SHANK2: variants seen among roughly 807,000 people sequenced by gnomAD.
SHANK2 encodes SH3 and multiple ankyrin repeat domains 2.
A neutral mutation model predicts 133.7 loss-of-function variants in SHANK2; 43 were observed. The observed-to-expected ratio is 0.32, with a 90% confidence interval of 0.25 to 0.41. The LOEUF (loss-of-function observed/expected upper bound fraction) is 0.41. SHANK2 is among the 10% of genes least tolerant of loss of function. SHANK2 has a pLI of 1.00. For missense variants in SHANK2, 1,994 were observed against 2,235.8 expected (o/e 0.89, Z 2.18); for synonymous variants, 1,017 against 952.8 (o/e 1.07, Z -1.24).
intron 14 of SHANK2, among the ~76,000 whole-genome samples, chr11:70,795,114 T>G (rs1182678857): frequency 6.6e-6 from 1 of 152,090 alleles, no homozygotes; most frequent in Non-Finnish European, 1.5e-5. Context: ...TTGGTGTACC[T>G]CCTTCCATCC....
rs966675444 is a variant in SHANK2 at position 71,073,841 on chromosome 11, G to A, written c.1029+1318C>T. On this transcript the variant is annotated intron_variant, in intron 9 of 25. Transcript: ENST00000601538. ...CCAGAACTATCCTGGGGCTTTGTCC[G>A]CCACGTCCTTCCCCATCTCATGACT... 6.1e-3 allele frequency among the ~76,000 whole-genome samples: 936 copies of A among 152,238 alleles called. 9 individuals are homozygous for A. Among genetic ancestry groups the A allele is most frequent in the African/African-American group, 0.018 (756 of 41,540 alleles).
rs73531482 is a variant in SHANK2 at position 70,924,797 on chromosome 11, C to T, written c.1108-28230G>A. Among the ~76,000 whole-genome samples, 1,087 of 152,292 alleles carry T rather than the reference C, an allele frequency of 7.1e-3. 11 individuals carry two copies. The highest frequency in any genetic ancestry group is 0.026 in the African/African-American group (1,061 of 41,560). On this transcript the variant is annotated intron_variant, in intron 10 of 25. Coordinates refer to ENST00000601538, the MANE Select transcript of SHANK2 (RefSeq NM_012309.5). Reference sequence around the variant, plus strand: ...GATAAGGGTTTTACACTTTTATTATCTCATTAGGCACCACAAAACCTTATA... The same window carrying T: ...GATAAGGGTTTTACACTTTTATTATTTCATTAGGCACCACAAAACCTTATA...
In SHANK2 at chr11:70,940,155, TTTCCTTCC is replaced by T. The variant is rs113406010; in HGVS notation, c.1108-43596_1108-43589del. Among the ~76,000 whole-genome samples, 60 of 119,854 alleles carry T rather than the reference TTTCCTTCC, an allele frequency of 5.0e-4. 1 individual carries two copies. Among genetic ancestry groups the T allele is most frequent in the African/African-American group, 1.9e-3 (53 of 27,480 alleles). The allele number at this position is 119,854 out of a possible 152,430, so 78.6% of individuals were successfully genotyped here. On this transcript the variant is annotated intron_variant, in intron 10 of 25. Coordinates refer to ENST00000601538, the MANE Select transcript of SHANK2 (RefSeq NM_012309.5). ...AACCCCTCAACTGGAAGAGAATCAA[TTTCCTTCC>T]TTCCTTCCTTCCTTCCTTCCTTACT...
intron 2 of SHANK2, among the ~76,000 whole-genome samples, chr11:71,222,403 C>T (rs183975255): frequency 1.7e-3 from 253 of 152,302 alleles, no homozygotes; most frequent in Non-Finnish European, 3.0e-3. Flanking sequence ...TGTGAGCCAA[C>T]GGCAGCTCCC....
At chr11:70,563,335 C>T (rs2059930944) in intron 17 of SHANK2, among the ~76,000 whole-genome samples, 1 of 152,146 alleles carries the variant, frequency 6.6e-6, no homozygotes, top group Admixed American at 6.5e-5. Flanking sequence ...CAAGAACTTA[C>T]AACAGTACAC....
chr11:71,136,745 G>A (rs375529624), intron 3 of SHANK2, among the ~76,000 whole-genome samples: 1 of 152,202 alleles, frequency 6.6e-6, no homozygotes, highest in Non-Finnish European at 1.5e-5. Flanking sequence ...GGTCGTCAGG[G>A]GCTGGAAGTG....
chr11:71,060,038 C>G (rs1950969197), intron 9 of SHANK2, among the ~76,000 whole-genome samples: 2 of 152,126 alleles, frequency 1.3e-5, no homozygotes, highest in Non-Finnish European at 1.5e-5. Flanking sequence ...GAGGGGGATC[C>G]CCAGAGCCCC....
intron 15 of SHANK2, among the ~76,000 whole-genome samples, chr11:70,687,592 G>T (rs1222288902): frequency 2.0e-5 from 3 of 151,844 alleles, no homozygotes; most frequent in Non-Finnish European, 2.9e-5. Context: ...TACAGTGTGG[G>T]GGTAGGGGGG....
At chr11:70,608,861 C>T (rs904924358) in intron 17 of SHANK2, among the ~76,000 whole-genome samples, 18 of 152,224 alleles carry the variant, frequency 1.2e-4, no homozygotes, top group African/African-American at 4.3e-4. Flanking sequence ...TATAAATAAC[C>T]CTTACAACAC....
chr11:70,862,788 C>T (rs964348869), intron 11 of SHANK2: 3 of 278,770 alleles, frequency 1.1e-5, no homozygotes, highest in Admixed American at 1.0e-4. Flanking sequence ...ACACATTGCA[C>T]ATTTTGGATC....
intron 11 of SHANK2, among the ~76,000 whole-genome samples, chr11:70,868,930 C>A (rs1332985920): frequency 6.6e-6 from 1 of 152,162 alleles, no homozygotes; most frequent in African/African-American, 2.4e-5. Flanking sequence ...AACTGTGTCA[C>A]CTGCAAAATT....
intron 2 of SHANK2, among the ~76,000 whole-genome samples, chr11:71,185,915 G>T (rs2135561369): frequency 6.6e-6 from 1 of 152,234 alleles, no homozygotes; most frequent in East Asian, 1.9e-4. Flanking sequence ...GAGGGAGGGG[G>T]ACATTAACAG....
intron 17 of SHANK2, among the ~76,000 whole-genome samples, chr11:70,523,681 G>T (rs963255182): frequency 1.3e-5 from 2 of 152,186 alleles, no homozygotes; most frequent in African/African-American, 2.4e-5. Context: ...AGTGTTCACC[G>T]CTTCCTGTGT....
chr11:70,681,948 G>T (rs1945038075), intron 15 of SHANK2, among the ~76,000 whole-genome samples: 1 of 152,170 alleles, frequency 6.6e-6, no homozygotes, highest in South Asian at 2.1e-4. Context: ...GGCATGCTCG[G>T]GGTGAAATCT....
At chr11:70,940,103 C>A (rs1044225318) in intron 10 of SHANK2, among the ~76,000 whole-genome samples, 1 of 147,138 alleles carries the variant, frequency 6.8e-6, no homozygotes, top group African/African-American at 2.5e-5. Context: ...AAGGCAGCCC[C>A]ACCCACACCT....
At chr11:71,113,182 C>A in intron 5 of SHANK2, 111 bp downstream of exon 5, 1 of 977,446 alleles carries the variant, frequency 1.0e-6, no homozygotes. Context: ...CACGCCATGC[C>A]AGGTACACAG....
intron 1 of SHANK2, among the ~76,000 whole-genome samples, chr11:71,251,912 C>T (rs4415788): frequency 0.34 from 51,519 of 151,720 alleles, 9,083 homozygotes; most frequent in East Asian, 0.44. Context: ...GGCCACGGTT[C>T]GGGTCTCCGC....
At position 71,252,325 on chromosome 11, in the gene SHANK2, G is replaced by C. The variant is rs1198112000; in HGVS notation, c.-113+100C>G. 3.3e-5 allele frequency: 5 copies of C among 152,182 alleles called. No individual in the cohort carries two copies. Among genetic ancestry groups the C allele is most frequent in the Admixed American group, 3.3e-4 (5 of 15,278 alleles). The allele number at this position is 152,182 out of a possible 1,614,324, so 9.4% of individuals were successfully genotyped here. On this transcript the variant is annotated intron_variant, in intron 1 of 25. Coordinates refer to ENST00000601538, the MANE Select transcript of SHANK2 (RefSeq NM_012309.5). This position sits in a 1 kb window ranked among gnomAD's most constrained non-coding sequence, Gnocchi z 6.3. ...CCCGGTAGTTGGTGCTCCCGGAATCGAGATGCCCCCAAAATGCCGTCAGTG... is the reference window on the plus strand; with the variant it reads ...CCCGGTAGTTGGTGCTCCCGGAATCCAGATGCCCCCAAAATGCCGTCAGTG...
intron 17 of SHANK2, among the ~76,000 whole-genome samples, chr11:70,633,074 G>A (rs1434050564): frequency 6.6e-6 from 1 of 151,876 alleles, no homozygotes; most frequent in Non-Finnish European, 1.5e-5. Flanking sequence ...GGCAACCTGG[G>A]CACCATGCAG....
Sources: allele counts gnomAD v4.1 joint callset (sites outside exome capture counted in the v4.1 genomes callset), GRCh38; gene constraint gnomAD v4.1.1; non-coding constraint Gnocchi (gnomAD v3.1); transcripts MANE v1.5; gene names NCBI Gene and HGNC (gene_info 2026-07-23, HGNC 2026-07-21).